SMC1B: variants seen among roughly 807,000 people sequenced by gnomAD.
SMC1B encodes structural maintenance of chromosomes protein 1B.
SMC1B carries 60 observed loss-of-function variants against 157.9 expected under a neutral mutation model. The ratio of observed to expected loss-of-function variants is 0.38; its 90% CI spans 0.31 to 0.47. The LOEUF (loss-of-function observed/expected upper bound fraction) is 0.47, where lower values mean the gene tolerates loss of function less well. Among genes scored for constraint, SMC1B ranks in the 20% least tolerant of loss-of-function variants. SMC1B has a pLI of 0.99. For missense variants in SMC1B, 1,165 were observed against 1,426.2 expected (o/e 0.82, Z 2.95); for synonymous variants, 445 against 483.0 (o/e 0.92, Z 1.03).
chr22:45,406,866 C>A lies in SMC1B; in HGVS notation c.299-1G>T. On this transcript the variant is annotated splice_acceptor_variant, in intron 2 of 24. Coordinates refer to ENST00000357450, the MANE Select transcript of SMC1B (RefSeq NM_148674.5). LOFTEE classifies it high-confidence loss of function. ...TTAAAGCGAAATTCTGAGCATCCCC[C>A]TAAAATAAAAAAATAAACCCTGTTA... 6.5e-7 allele frequency: 1 copy of A among 1,549,734 alleles called. No homozygotes were observed.
chr22:45,360,360 C>T (rs895805937), intron 17 of SMC1B, among the ~76,000 whole-genome samples: 8 of 151,914 alleles, frequency 5.3e-5, no homozygotes, highest in Non-Finnish European at 7.4e-5. Context: ...AATGTAGTAA[C>T]GCCTTCTATC....
At chr22:45,392,181 TC>T (rs2087067076) in intron 9 of SMC1B, among the ~76,000 whole-genome samples, 1 of 152,220 alleles carries the variant, frequency 6.6e-6, no homozygotes, top group East Asian at 1.9e-4. Context: ...ACTCCTGACC[TC>T]AAGTGATCCA....
intron 12 of SMC1B, among the ~76,000 whole-genome samples, chr22:45,373,003 G>GCACC (rs1440974784): frequency 1.3e-5 from 2 of 151,768 alleles, no homozygotes; most frequent in South Asian, 2.1e-4. Flanking sequence ...GTGAGCCACC[G>GCACC]CACCCGGCTG....
At chr22:45,403,390 G>A (rs1602096349) in intron 4 of SMC1B, among the ~76,000 whole-genome samples, 1 of 152,246 alleles carries the variant, frequency 6.6e-6, no homozygotes, top group South Asian at 2.1e-4. Context: ...TCTACTATGA[G>A]CCAGGTGCTG....
At position 45,363,008 on chromosome 22, in the gene SMC1B, T is replaced by C; in HGVS notation, c.2439A>G (p.Gln813=). The change falls in exon 16 of 25, where the codon CAA becomes CAG. Residue 813 remains glutamine (Q), a synonymous_variant. Transcript: ENST00000357450. ...CAAGTTGAACATTAAGCCGAGTTTTTTGTTTTTCAAATTCTAATCTAGTAT... is the reference window on the plus strand; with the variant it reads ...CAAGTTGAACATTAAGCCGAGTTTTCTGTTTTTCAAATTCTAATCTAGTAT... ...IDQKRLEFEK[Q]KTRLNVQLEY... The C allele has an allele frequency of 6.3e-7, 1 of 1,587,368 alleles. No individual in the cohort carries two copies. Among genetic ancestry groups the C allele is most frequent in the Non-Finnish European group, 8.5e-7 (1 of 1,172,272 alleles).
At position 45,398,408 on chromosome 22, in the gene SMC1B, G is replaced by A. The variant is rs868836226; in HGVS notation, c.1113+687C>T. On this transcript the variant is annotated intron_variant, in intron 6 of 24. Coordinates refer to ENST00000357450, the MANE Select transcript of SMC1B (RefSeq NM_148674.5). Reference sequence around the variant, plus strand: ...CAGTCGTGGCAGCTGTGGGATTCGCGCCAGAGTGCAGGCCAGGTGCGGCCT... The same window carrying A: ...CAGTCGTGGCAGCTGTGGGATTCGCACCAGAGTGCAGGCCAGGTGCGGCCT... 2.9e-4 allele frequency among the ~76,000 whole-genome samples: 44 copies of A among 152,292 alleles called. No individual in the cohort carries two copies. In the Middle Eastern group the frequency reaches 0.014, roughly 47 times the overall value.
chr22:45,406,809 C>T lies in SMC1B; in HGVS notation c.355G>A (p.Ala119Thr), dbSNP rs1226607780. ...DNLVSRSVYI[A>T]ELEKIGIIVK... is the part of the protein sequence containing the mutation. ...ATTATGCCTATCTTTTCCAACTCTG[C>T]AATGTAAACAGAACGACTCACAAGA... The change falls in exon 3 of 25, where the codon GCA (alanine) becomes ACA (threonine). Residue 119 changes from alanine to threonine, a missense_variant. Physicochemically the swap from Ala to Thr is moderately conservative, Grantham distance 58. Transcript: ENST00000357450. 1 of 1,594,938 alleles carries T rather than the reference C, an allele frequency of 6.3e-7. No homozygotes were observed.
chr22:45,364,824 CTTTTTTTTTTT>C (rs202166311), intron 15 of SMC1B, among the ~76,000 whole-genome samples: 183 of 105,500 alleles, frequency 1.7e-3, no homozygotes, highest in Non-Finnish European at 2.6e-3. Context: ...ATCTCTTTTC[CTTTTTTTTTTT>C]TTTTTTTTTT....
intron 10 of SMC1B, among the ~76,000 whole-genome samples, chr22:45,388,986 C>CA (rs371475132): frequency 0.015 from 809 of 54,160 alleles, 48 homozygotes; most frequent in African/African-American, 0.039. Flanking sequence ...GACTCTGCCT[C>CA]AAAAAAAAAA....
chr22:45,376,307 T>C lies in SMC1B; in HGVS notation c.2059-4015A>G, dbSNP rs565949151. Among the ~76,000 whole-genome samples, 13 of 152,302 alleles carry C rather than the reference T, an allele frequency of 8.5e-5. No individual in the cohort carries two copies. In the South Asian group the frequency reaches 2.7e-3, roughly 32 times the overall value. On this transcript the variant is annotated intron_variant, in intron 12 of 24. Coordinates refer to ENST00000357450, the MANE Select transcript of SMC1B (RefSeq NM_148674.5). Reference sequence around the variant, plus strand: ...GACTACTCTAGGTACCTCATGTTAGTGGAATCAGACAGTATTTGTCTTCAA... The same window carrying C: ...GACTACTCTAGGTACCTCATGTTAGCGGAATCAGACAGTATTTGTCTTCAA...
Position 45,398,647 on chromosome 22 carries a change from T to C in SMC1B, c.1113+448A>G, listed in dbSNP as rs377119963. Among the ~76,000 whole-genome samples the C allele has an allele frequency of 3.9e-5, 6 of 152,190 alleles. No homozygotes were observed. The East Asian group carries it at 1.2e-3, about 29-fold the overall frequency. On this transcript the variant is annotated intron_variant, in intron 6 of 24. Coordinates refer to ENST00000357450, the MANE Select transcript of SMC1B (RefSeq NM_148674.5). ...GAGTTTGAGACCAGCCTGACCAACA[T>C]GGAGAAACCCCGTCTCTACTAAAAA...
At chr22:45,348,561 C>T (rs2086574936) in intron 23 of SMC1B, among the ~76,000 whole-genome samples, 1 of 152,158 alleles carries the variant, frequency 6.6e-6, no homozygotes, top group Non-Finnish European at 1.5e-5. Context: ...GGTGAGAAAC[C>T]TGTTATGCCA....
At chr22:45,397,475 G>A (rs2087138496) in intron 6 of SMC1B, among the ~76,000 whole-genome samples, 1 of 152,180 alleles carries the variant, frequency 6.6e-6, no homozygotes, top group Non-Finnish European at 1.5e-5. Flanking sequence ...ACAAATCCTA[G>A]ACAGACAGGG....
chr22:45,377,466 G>A (rs1172258522), intron 12 of SMC1B, among the ~76,000 whole-genome samples: 3 of 151,546 alleles, frequency 2.0e-5, no homozygotes, highest in East Asian at 1.9e-4. Context: ...GTGAAACCCC[G>A]TCTCTACTAA....
At position 45,402,530 on chromosome 22, in the gene SMC1B, G is replaced by A. The variant is rs371564214; in HGVS notation, c.657C>T (p.Asn219=). ...YQSLLEELKM[N]KIQLQLFQLY... is the part of the protein sequence containing the mutation. ...GTTGAAAAAGCTGCAGTTGTATCTT[G>A]TTCATTTTCAGTTCTTCAAGGAGAC... Residue 219 remains asparagine, a synonymous_variant, in exon 5 of 25, where the codon AAC becomes AAT. Transcript: ENST00000357450. 2 of 1,613,748 alleles carry A rather than the reference G, an allele frequency of 1.2e-6. No homozygotes were observed. Among genetic ancestry groups the A allele is most frequent in the Non-Finnish European group, 1.7e-6 (2 of 1,179,862 alleles).
intron 15 of SMC1B, among the ~76,000 whole-genome samples, chr22:45,365,239 T>C (rs1009174011): frequency 5.3e-4 from 80 of 152,262 alleles, no homozygotes; most frequent in African/African-American, 1.9e-3. Flanking sequence ...AATTTATACC[T>C]CTAGCCTGGG....
chr22:45,349,662 C>T (rs2086591361), intron 23 of SMC1B, 66 bp downstream of exon 23: 3 of 1,430,870 alleles, frequency 2.1e-6, no homozygotes, highest in Admixed American at 1.8e-5. Flanking sequence ...GAGCATTTTC[C>T]ATTGCTTGCC....
chr22:45,351,697 G>A (rs894811963), intron 22 of SMC1B, among the ~76,000 whole-genome samples: 2 of 152,130 alleles, frequency 1.3e-5, no homozygotes, highest in Non-Finnish European at 2.9e-5. Context: ...ACAGACATGT[G>A]TCACCACATC....
intron 13 of SMC1B, 126 bp from the exon 14 acceptor site, chr22:45,371,713 T>A (rs1342327386): frequency 4.5e-5 from 51 of 1,123,898 alleles, no homozygotes; most frequent in Non-Finnish European, 6.2e-5. Flanking sequence ...TTCACCTGGA[T>A]AAAAGGTTAA....
Sources: allele counts gnomAD v4.1 joint callset (sites outside exome capture counted in the v4.1 genomes callset), GRCh38; gene constraint gnomAD v4.1.1; transcripts MANE v1.5; gene names NCBI Gene and HGNC (gene_info 2026-07-23, HGNC 2026-07-21).